KL: variants seen among roughly 807,000 people sequenced by gnomAD.
The protein encoded by KL is alpha-klotho.
KL carries 62 observed loss-of-function variants against 84.2 expected under a neutral mutation model. The ratio of observed to expected loss-of-function variants is 0.74; its 90% CI spans 0.60 to 0.91. The LOEUF is 0.91. Among genes scored for constraint, KL ranks in the 40% least tolerant of loss-of-function variants. KL has a pLI of 0.00. For missense variants in KL, 1,261 were observed against 1,305.7 expected (o/e 0.97, Z 0.53); for synonymous variants, 528 against 528.0 (o/e 1.00, Z 0.00).
At chr13:33,022,920 A>G (rs1167432183) in intron 1 of KL, among the ~76,000 whole-genome samples, 1 of 152,232 alleles carries the variant, frequency 6.6e-6, no homozygotes, top group Non-Finnish European at 1.5e-5. Context: ...CTGCTCTCAC[A>G]CAATATCTGG....
chr13:33,055,397 C>T (rs774186371), intron 3 of KL, 82 bp downstream of exon 3: 4 of 1,573,702 alleles, frequency 2.5e-6, no homozygotes, highest in Admixed American at 1.7e-5. Flanking sequence ...GGCTGATTGT[C>T]ATGGCACATT....
intron 1 of KL, among the ~76,000 whole-genome samples, chr13:33,040,882 C>T (rs1243863392): frequency 6.6e-6 from 1 of 152,040 alleles, no homozygotes; most frequent in Non-Finnish European, 1.5e-5. Flanking sequence ...TCCTTGATTC[C>T]TCTTCCCCTC....
intron 1 of KL, among the ~76,000 whole-genome samples, chr13:33,052,106 A>T (rs1871775916): frequency 6.6e-6 from 1 of 152,142 alleles, no homozygotes; most frequent in South Asian, 2.1e-4. Context: ...ACAGGCACAC[A>T]GCACCATGAC....
Position 33,053,511 on chromosome 13 carries a change from A to G in KL, c.820-256A>G, listed in dbSNP as rs1018263417. ...TTAGCTTTTCAAAATGTGGATAACT[A>G]CACACTCAACCCAAGGAATCTACAT... is the stretch of plus-strand genomic sequence containing the variant. On this transcript the variant is annotated intron_variant, in intron 1 of 4. Coordinates refer to ENST00000380099, the MANE Select transcript of KL (RefSeq NM_004795.4). 2.6e-5 allele frequency among the ~76,000 whole-genome samples: 4 copies of G among 152,212 alleles called. No homozygotes were observed. The East Asian group carries it at 5.8e-4, about 22-fold the overall frequency.
chr13:33,045,123 A>T (rs1871478957), intron 1 of KL, among the ~76,000 whole-genome samples: 1 of 152,162 alleles, frequency 6.6e-6, no homozygotes, highest in Non-Finnish European at 1.5e-5. Context: ...TATAAATGGA[A>T]TTGTTTTCTT....
At chr13:33,054,310 CAAAATCTTCTGGAAA>C (rs781227491) in intron 2 of KL, 33 bp downstream of exon 2, 1 of 1,600,112 alleles carries the variant, frequency 6.2e-7, no homozygotes, top group Admixed American at 1.7e-5. Flanking sequence ...CATTTCCTGC[CAAAATCTTCTGGAAA>C]AAAATCTCTA....
chr13:33,033,773 G>A (rs1371867357), intron 1 of KL, among the ~76,000 whole-genome samples: 1 of 151,928 alleles, frequency 6.6e-6, no homozygotes, highest in Non-Finnish European at 1.5e-5. Context: ...TGGGGGCCTC[G>A]AGGAGACAGG....
At chr13:33,055,354 G>A (rs1449414131) in intron 3 of KL, 39 bp downstream of exon 3, 1 of 1,613,646 alleles carries the variant, frequency 6.2e-7, no homozygotes, top group Admixed American at 1.7e-5. Flanking sequence ...GTCTCACCAA[G>A]CCCTATCACT....
chr13:33,018,883 T>C (rs915965355), intron 1 of KL, among the ~76,000 whole-genome samples: 11 of 152,252 alleles, frequency 7.2e-5, no homozygotes, highest in African/African-American at 2.7e-4. Flanking sequence ...TAGTGACTTA[T>C]AGGATCATTT....
chr13:33,045,375 T>C (rs1208835421), intron 1 of KL, among the ~76,000 whole-genome samples: 3 of 152,236 alleles, frequency 2.0e-5, no homozygotes, highest in African/African-American at 7.2e-5. Context: ...AGTACAATGT[T>C]AGAGAGCAAT....
intron 3 of KL, among the ~76,000 whole-genome samples, chr13:33,058,220 T>C (rs1355171803): frequency 1.3e-5 from 2 of 152,224 alleles, no homozygotes; most frequent in Non-Finnish European, 2.9e-5. Context: ...TAAATACATG[T>C]TTTAATAGCC....
intron 1 of KL, among the ~76,000 whole-genome samples, chr13:33,034,207 A>G (rs1006944653): frequency 1.3e-5 from 2 of 152,236 alleles, no homozygotes; most frequent in Admixed American, 6.5e-5. Flanking sequence ...GACTGTACAG[A>G]AAATTTTCCT....
At chr13:33,045,584 G>A (rs1355465801) in intron 1 of KL, among the ~76,000 whole-genome samples, 1 of 152,094 alleles carries the variant, frequency 6.6e-6, no homozygotes, top group African/African-American at 2.4e-5. Context: ...GGGTTCAAGC[G>A]ATTCTCCTGC....
chr13:33,032,876 C>T (rs568651272), intron 1 of KL, among the ~76,000 whole-genome samples: 1 of 152,186 alleles, frequency 6.6e-6, no homozygotes, highest in South Asian at 2.1e-4. Flanking sequence ...TAGAAACTAC[C>T]TCCTACAGGA....
intron 1 of KL, among the ~76,000 whole-genome samples, chr13:33,053,561 A>G (rs1444083415): frequency 6.6e-6 from 1 of 152,228 alleles, no homozygotes; most frequent in Non-Finnish European, 1.5e-5. Context: ...CTAAAGACCA[A>G]TGGAAATAAC....
intron 1 of KL, among the ~76,000 whole-genome samples, chr13:33,040,689 G>A (rs74045654): frequency 0.037 from 5,550 of 152,046 alleles, 333 homozygotes; most frequent in African/African-American, 0.13. Flanking sequence ...AACAAAAAGC[G>A]GTCCATTCAG....
intron 1 of KL, among the ~76,000 whole-genome samples, chr13:33,046,950 T>C (rs923082135): frequency 6.6e-6 from 1 of 152,214 alleles, no homozygotes; most frequent in African/African-American, 2.4e-5. Context: ...TTTGTGAATA[T>C]TCTAGTTTTC....
intron 4 of KL, among the ~76,000 whole-genome samples, chr13:33,063,337 G>A (rs1324559536): frequency 6.6e-6 from 1 of 151,644 alleles, no homozygotes; most frequent in Non-Finnish European, 1.5e-5. Context: ...TAACCCCTGG[G>A]TTTCAACCCT....
At chr13:33,028,138 G>A (rs1227706157) in intron 1 of KL, among the ~76,000 whole-genome samples, 1 of 152,178 alleles carries the variant, frequency 6.6e-6, no homozygotes, top group Non-Finnish European at 1.5e-5. Flanking sequence ...TAGTTCCCCT[G>A]CCATGTTTAG....
Sources: allele counts gnomAD v4.1 joint callset (sites outside exome capture counted in the v4.1 genomes callset), GRCh38; gene constraint gnomAD v4.1.1; transcripts MANE v1.5; gene names NCBI Gene and HGNC (gene_info 2026-07-23, HGNC 2026-07-21).